The following FAF1 variants were observed in gnomAD, a reference collection of about 807,000 sequenced individuals.
FAF1 encodes the protein FAS-associated factor 1.
A neutral mutation model predicts 92.5 loss-of-function variants in FAF1; 25 were observed. The observed-to-expected ratio is 0.27, with a 90% CI of 0.20 to 0.38. The LOEUF (loss-of-function observed/expected upper bound fraction) is 0.38. Among genes scored for constraint, FAF1 ranks in the 10% least tolerant of loss-of-function variants. The probability of loss-of-function intolerance (pLI) is 1.00; values close to 1 mark genes in which losing one functional copy is unlikely to be tolerated. For missense variants in FAF1, 636 were observed against 793.3 expected, an observed-to-expected ratio of 0.80 and a Z score of 2.38; for synonymous variants, 234 against 273.2, an observed-to-expected ratio of 0.86 and a Z score of 1.42.
intron 15 of FAF1, among the ~76,000 whole-genome samples, chr1:50,494,153 G>A (rs914813919): frequency 1.3e-5 from 2 of 152,096 alleles, no homozygotes; most frequent in Non-Finnish European, 2.9e-5. Flanking sequence ...GTTGGTGAAT[G>A]GTTATCATTT....
intron 4 of FAF1, among the ~76,000 whole-genome samples, chr1:50,746,245 A>AAT (rs1557506291): frequency 2.8e-5 from 2 of 71,520 alleles, no homozygotes; most frequent in Non-Finnish European, 5.0e-5. Flanking sequence ...ACCTGAAACG[A>AAT]ACATATATAT....
intron 8 of FAF1, among the ~76,000 whole-genome samples, chr1:50,645,954 A>G (rs1313312897): frequency 6.6e-6 from 1 of 152,184 alleles, no homozygotes; most frequent in East Asian, 1.9e-4. Context: ...CCCCTGCATT[A>G]TATTATGTGC....
intron 7 of FAF1, among the ~76,000 whole-genome samples, chr1:50,703,220 A>G (rs12726772): frequency 0.063 from 9,532 of 152,266 alleles, 422 homozygotes; most frequent in Non-Finnish European, 0.098. Flanking sequence ...AAATACTAGC[A>G]TTATAAAATA....
chr1:50,561,878 G>GAAGGAAGGAAGGAAGGAAGA, intron 13 of FAF1, among the ~76,000 whole-genome samples: 1 of 147,724 alleles, frequency 6.8e-6, no homozygotes, highest in South Asian at 2.1e-4. Flanking sequence ...AGGAAGGAAG[G>GAAGGAAGGAAGGAAGGAAGA]AAGGAAGGAA....
chr1:50,852,226 G>A (rs1445587355), intron 2 of FAF1, among the ~76,000 whole-genome samples: 1 of 152,202 alleles, frequency 6.6e-6, no homozygotes, highest in East Asian at 1.9e-4. Context: ...TGGGTGTCTG[G>A]GTTGTCCCGC....
intron 8 of FAF1, among the ~76,000 whole-genome samples, chr1:50,623,470 G>C (rs575396312): frequency 2.0e-4 from 31 of 152,046 alleles, no homozygotes; most frequent in Non-Finnish European, 2.2e-4. Flanking sequence ...TCGGGAGGCT[G>C]AGGCAGGAGA....
chr1:50,760,363 C>T (rs1355645685), intron 4 of FAF1, among the ~76,000 whole-genome samples: 3 of 152,150 alleles, frequency 2.0e-5, no homozygotes, highest in Admixed American at 1.3e-4. Context: ...GAACTCTCCA[C>T]CCCAAATCAA....
At chr1:50,503,792 T>C (rs766193673) in intron 15 of FAF1, among the ~76,000 whole-genome samples, 4 of 152,170 alleles carry the variant, frequency 2.6e-5, no homozygotes, top group Non-Finnish European at 5.9e-5. Context: ...AATGAGTATA[T>C]ACCATATGGT....
At chr1:50,587,528 T>C (rs932875052) in intron 9 of FAF1, among the ~76,000 whole-genome samples, 2 of 152,204 alleles carry the variant, frequency 1.3e-5, no homozygotes, top group African/African-American at 4.8e-5. Context: ...TTTTCATTAA[T>C]GTTTGCTGAT....
At position 50,895,625 on chromosome 1, in the gene FAF1, T is replaced by C. The variant is rs201569952; in HGVS notation, c.46-37628A>G. ...TACAGGCCAACATCCCTGATGAACA[T>C]TGACGCAAAAATCCTTAACAAAATA... On this transcript the variant is annotated intron_variant, in intron 1 of 18. Coordinates refer to ENST00000396153, the MANE Select transcript of FAF1 (RefSeq NM_007051.3). Among the ~76,000 whole-genome samples, 5 of 152,182 alleles carry C rather than the reference T, an allele frequency of 3.3e-5. No homozygotes were observed. The East Asian group carries it at 5.8e-4, about 18-fold the overall frequency.
At chr1:50,680,283 TAC>T (rs1361585894) in intron 7 of FAF1, among the ~76,000 whole-genome samples, 3 of 152,198 alleles carry the variant, frequency 2.0e-5, no homozygotes, top group Admixed American at 2.0e-4. Flanking sequence ...TTAAATAAGG[TAC>T]ATTTTATAGA....
In FAF1 at chr1:50,777,408, G is replaced by C. The variant is rs74508207; in HGVS notation, c.367+10592C>G. On this transcript the variant is annotated intron_variant, in intron 4 of 18. Transcript: ENST00000396153. The stretch of plus-strand genomic sequence containing the variant: ...ACTGCATTCCAACCTGGGTGACACA[G>C]CAAGACTCTGTCACTTAAGAGAAAA... Among the ~76,000 whole-genome samples, 837 of 152,190 alleles carry C rather than the reference G, an allele frequency of 5.5e-3. 3 individuals are homozygous for C. The highest frequency in any genetic ancestry group is 0.019 in the African/African-American group (794 of 41,538).
chr1:50,873,283 G>C (rs1247115561), intron 1 of FAF1, among the ~76,000 whole-genome samples: 2 of 152,102 alleles, frequency 1.3e-5, no homozygotes, highest in African/African-American at 2.4e-5. Flanking sequence ...ACTTTATTCA[G>C]ATATCTACTT....
chr1:50,678,704 C>G (rs1451810678), intron 7 of FAF1, among the ~76,000 whole-genome samples: 1 of 134,792 alleles, frequency 7.4e-6, no homozygotes, highest in Non-Finnish European at 1.5e-5. Flanking sequence ...CGCTTGAACC[C>G]GGGAGGCAGA....
intron 17 of FAF1, among the ~76,000 whole-genome samples, chr1:50,480,655 G>A (rs1007115052): frequency 5.3e-5 from 8 of 152,100 alleles, no homozygotes; most frequent in Non-Finnish European, 1.2e-4. Context: ...TGCCACATAG[G>A]GACTTTTCAG....
At chr1:50,678,695 G>A (rs1249051850) in intron 7 of FAF1, among the ~76,000 whole-genome samples, 11 of 142,186 alleles carry the variant, frequency 7.7e-5, no homozygotes, top group African/African-American at 2.6e-4. Flanking sequence ...CAGGAGAATC[G>A]CTTGAACCCG....
intron 1 of FAF1, among the ~76,000 whole-genome samples, chr1:50,912,146 T>C (rs1019554335): frequency 6.6e-6 from 1 of 152,060 alleles, no homozygotes; most frequent in Admixed American, 6.5e-5. Flanking sequence ...TACCACCAAC[T>C]TCAAAATTAT....
intron 8 of FAF1, among the ~76,000 whole-genome samples, chr1:50,597,350 G>C (rs894453746): frequency 1.3e-5 from 2 of 151,826 alleles, no homozygotes; most frequent in Admixed American, 1.3e-4. Flanking sequence ...ATTAACACAA[G>C]AGTAGTTATC....
intron 15 of FAF1, among the ~76,000 whole-genome samples, chr1:50,530,073 A>G (rs1648058828): frequency 6.6e-6 from 1 of 152,122 alleles, no homozygotes; most frequent in Non-Finnish European, 1.5e-5. Flanking sequence ...ACTTTTAAAT[A>G]TTAGAACTTT....
Sources: gnomAD v4.1 joint callset for allele counts (sites outside exome capture counted in the v4.1 genomes callset) on GRCh38, gnomAD v4.1.1 for gene constraint, MANE v1.5 for transcripts, NCBI Gene and HGNC (gene_info 2026-07-23, HGNC 2026-07-21) for gene names.